Variants in HPGD observed in about 807,000 individuals in gnomAD.
HPGD encodes the protein 15-hydroxyprostaglandin dehydrogenase [NAD(+)].
In HPGD, 29 loss-of-function variants were observed where a neutral mutation model predicts 30.0. The observed-to-expected ratio is 0.97, with a 90% confidence interval of 0.72 to 1.32. HPGD has a LOEUF of 1.32. Ranked by LOEUF, HPGD falls within the 40% of genes most tolerant of loss-of-function variation. The pLI, the probability that HPGD is intolerant of heterozygous loss-of-function variation, is 0.00. For missense variants in HPGD, 340 were observed against 322.1 expected (o/e 1.06, Z -0.43); for synonymous variants, 99 against 112.4 (o/e 0.88, Z 0.75).
At chr4:174,510,182 A>C (rs960110060) in intron 3 of HPGD, among the ~76,000 whole-genome samples, 1 of 152,016 alleles carries the variant, frequency 6.6e-6, no homozygotes, top group African/African-American at 2.4e-5. Flanking sequence ...TTTTTTTGCA[A>C]GGATTCAGAT....
intron 6 of HPGD, 116 bp downstream of exon 6, chr4:174,493,035 G>A: frequency 1.0e-6 from 1 of 990,426 alleles, no homozygotes; most frequent in East Asian, 2.7e-5. Context: ...CAAACCAAAA[G>A]TTTGAAGCTT....
chr4:174,493,136 CAT>C lies in HPGD; in HGVS notation c.662+13_662+14del. On this transcript the variant is annotated intron_variant, in intron 6 of 6. Transcript: ENST00000296522. ...GCTTCATCATTTAAAAGAAAATAGA[CAT>C]AGTTTTACTTACTCCAAAATTCCAT... The C allele has an allele frequency of 1.3e-6, 2 of 1,546,896 alleles. No homozygotes were observed. Among genetic ancestry groups the C allele is most frequent in the Non-Finnish European group, 1.8e-6 (2 of 1,127,626 alleles).
chr4:174,514,694 G>C (rs536942307), intron 3 of HPGD, among the ~76,000 whole-genome samples: 2 of 151,912 alleles, frequency 1.3e-5, no homozygotes, highest in African/African-American at 4.8e-5. Context: ...AGGAATAAAG[G>C]GCATCTAAAT....
chr4:174,522,209 G>T, intron 1 of HPGD, 142 bp from the exon 2 acceptor site: 1 of 1,429,296 alleles, frequency 7.0e-7, no homozygotes, highest in Non-Finnish European at 9.8e-7. Context: ...TCTGAGGTGT[G>T]CTCACAGCCT....
chr4:174,519,344 G>A (rs1735961059), intron 2 of HPGD, among the ~76,000 whole-genome samples: 1 of 151,856 alleles, frequency 6.6e-6, no homozygotes, highest in Non-Finnish European at 1.5e-5. Context: ...CTCCAGAGTA[G>A]CTGGGACTAC....
chr4:174,502,480 C>A (rs941949136), intron 4 of HPGD, among the ~76,000 whole-genome samples: 8 of 152,086 alleles, frequency 5.3e-5, no homozygotes, highest in East Asian at 1.9e-4. Context: ...AGATGGTGAC[C>A]ATCCTGGCTA....
chr4:174,501,391 G>T (rs1358980562), intron 4 of HPGD, among the ~76,000 whole-genome samples: 1 of 152,140 alleles, frequency 6.6e-6, no homozygotes. Flanking sequence ...TGCTTTTAAA[G>T]AAATGGCATT....
At chr4:174,495,318 A>G in intron 5 of HPGD, 2 of 560,802 alleles carry the variant, frequency 3.6e-6, no homozygotes, top group Non-Finnish European at 3.2e-6. Flanking sequence ...TATCCTTAAT[A>G]CATTTTTTTT....
chr4:174,504,652 A>C (rs1423874668), intron 4 of HPGD, among the ~76,000 whole-genome samples: 2 of 148,294 alleles, frequency 1.3e-5, no homozygotes, highest in East Asian at 1.9e-4. Flanking sequence ...TACTAAAAAT[A>C]CAAAAAAAAA....
In HPGD at chr4:174,496,269, T is replaced by A. The variant is rs1734589734; in HGVS notation, c.422-645A>T. Among the ~76,000 whole-genome samples the A allele has an allele frequency of 6.6e-6, 1 of 152,248 alleles. No individual in the cohort carries two copies. Among genetic ancestry groups the A allele is most frequent in the Non-Finnish European group, 1.5e-5 (1 of 68,036 alleles). ...GGTCCTATTTTATTTCCTTTCATAA[T>A]TATGTAGTCAACTATGAAATTCAAT... is the stretch of plus-strand genomic sequence containing the variant. On this transcript the variant is annotated intron_variant, in intron 4 of 6. Transcript: ENST00000296522. The surrounding 1 kb of genome is among the most constrained non-coding windows in gnomAD (Gnocchi z 4.6).
chr4:174,517,528 T>A (rs906975237), intron 3 of HPGD, among the ~76,000 whole-genome samples: 22 of 152,222 alleles, frequency 1.4e-4, no homozygotes, highest in African/African-American at 5.3e-4. Context: ...AAATAGCCAA[T>A]GACAATTCTT....
Position 174,502,683 on chromosome 4 carries a change from A to AAAAG in HPGD, c.421+6012_421+6013insCTTT, listed in dbSNP as rs1376034667. ...ACAGAGCGAGACTCCGTCTCAAAAA[A>AAAAG]AAAAAAAAAAAAAGTGACACATGCT... On this transcript the variant is annotated intron_variant, in intron 4 of 6. Coordinates refer to ENST00000296522, the MANE Select transcript of HPGD (RefSeq NM_000860.6). Among the ~76,000 whole-genome samples the AAAAG allele has an allele frequency of 2.6e-5, 4 of 151,398 alleles. No individual in the cohort carries two copies. The East Asian group carries it at 7.8e-4, about 29-fold the overall frequency.
chr4:174,517,972 A>G lies in HPGD; in HGVS notation c.323T>C (p.Leu108Ser), dbSNP rs1487446472. The change falls in exon 3 of 7, where the codon TTG (leucine) becomes TCG (serine). Residue 108 changes from leucine (L) to serine (S), a missense_variant and splice_region_variant. By Grantham distance (145) the Leu-to-Ser change is moderately radical. Coordinates refer to ENST00000296522, the MANE Select transcript of HPGD (RefSeq NM_000860.6). ...AGAAATATAGCTAAGATAACTCACC[A>G]AATTAATTTGCAGAGTTTTTTCCCA... Reference protein sequence around the residue: ...KNWEKTLQINLVSVISGTYLG... With the variant: ...KNWEKTLQINSVSVISGTYLG... 1 of 1,473,322 alleles carries G rather than the reference A, an allele frequency of 6.8e-7. No homozygotes were observed. Among genetic ancestry groups the G allele is most frequent in the African/African-American group, 1.4e-5 (1 of 72,176 alleles). The allele number at this position is 1,473,322 out of a possible 1,614,324, so 91.3% of individuals were successfully genotyped here.
In HPGD at chr4:174,522,439, C is replaced by A; in HGVS notation, c.13G>T (p.Gly5Cys). ...GCGCCGGTCACCAGCGCCACTTTGC[C>A]GTTCACGTGCATGGTGCAGCCACTG... The part of the protein sequence containing the change: MHVN[G>C]KVALVTGAAQ... Residue 5 changes from glycine (G) to cysteine (C), a missense_variant, in exon 1 of 7, where the codon GGC becomes TGC. By Grantham distance (159) the Gly-to-Cys change is radical. Coordinates refer to ENST00000296522, the MANE Select transcript of HPGD (RefSeq NM_000860.6). 1.3e-6 allele frequency: 2 copies of A among 1,580,536 alleles called. No individual in the cohort carries two copies. Among genetic ancestry groups the A allele is most frequent in the Non-Finnish European group, 1.7e-6 (2 of 1,164,132 alleles).
intron 2 of HPGD, among the ~76,000 whole-genome samples, chr4:174,519,945 G>A (rs1736002335): frequency 6.6e-6 from 1 of 152,118 alleles, no homozygotes; most frequent in South Asian, 2.1e-4. Flanking sequence ...GGGATTACAA[G>A]CGTGAAGCCA....
chr4:174,503,530 G>A (rs1472400037), intron 4 of HPGD, among the ~76,000 whole-genome samples: 1 of 152,106 alleles, frequency 6.6e-6, no homozygotes, highest in African/African-American at 2.4e-5. Flanking sequence ...ATATGTGTTA[G>A]GCCTGCTTCC....
In HPGD at chr4:174,496,833, G is replaced by T. The variant is rs1448184145; in HGVS notation, c.422-1209C>A. 6.6e-6 allele frequency among the ~76,000 whole-genome samples: 1 copy of T among 152,204 alleles called. No homozygotes were observed. Among genetic ancestry groups the T allele is most frequent in the African/African-American group, 2.4e-5 (1 of 41,462 alleles). ...TGCCTGCCAGGTTTCAATTTATAAA[G>T]TATGTTTGCACAAGGGCAGTTTAAA... On this transcript the variant is annotated intron_variant, in intron 4 of 6. Transcript: ENST00000296522. The surrounding 1 kb of genome is among the most constrained non-coding windows in gnomAD (Gnocchi z 4.6).
At position 174,490,383 on chromosome 4, in the gene HPGD, C is replaced by T. The variant is rs1385350077; in HGVS notation, c.*1573G>A. On this transcript the variant is annotated 3_prime_UTR_variant, in exon 7 of 7. Coordinates refer to ENST00000296522, the MANE Select transcript of HPGD (RefSeq NM_000860.6). The surrounding 1 kb of genome is among the most constrained non-coding windows in gnomAD (Gnocchi z 4.4). ...TTGATTTGAAAAAATTAATTCAAAGCAGAATGTATATTGAAGGCTACTAGT... is the reference window on the plus strand; with the variant it reads ...TTGATTTGAAAAAATTAATTCAAAGTAGAATGTATATTGAAGGCTACTAGT... 1 of 152,170 alleles carries T rather than the reference C, an allele frequency of 6.6e-6. No homozygotes were observed. The highest frequency in any genetic ancestry group is 2.1e-4 in the South Asian group (1 of 4,822). The allele number at this position is 152,170 out of a possible 1,614,324, so 9.4% of individuals were successfully genotyped here.
At chr4:174,500,062 T>C (rs1211480779) in intron 4 of HPGD, among the ~76,000 whole-genome samples, 1 of 152,216 alleles carries the variant, frequency 6.6e-6, no homozygotes, top group Non-Finnish European at 1.5e-5. Flanking sequence ...TTACTTCTTG[T>C]AATATTTCCT....
Sources: gnomAD v4.1 joint callset for allele counts (sites outside exome capture counted in the v4.1 genomes callset) on GRCh38, gnomAD v4.1.1 for gene constraint, Gnocchi (gnomAD v3.1) non-coding constraint, MANE v1.5 for transcripts, NCBI Gene and HGNC (gene_info 2026-07-23, HGNC 2026-07-21) for gene names.